Variants in IMMP1L observed in about 807,000 individuals in gnomAD.
IMMP1L encodes the protein inner mitochondrial membrane peptidase subunit 1.
In IMMP1L, 24 loss-of-function variants were observed where a neutral mutation model predicts 21.8. The observed-to-expected ratio is 1.10, with a 90% CI of 0.80 to 1.55. The LOEUF is 1.55. IMMP1L is among the 40% of genes most tolerant of loss of function. The probability of loss-of-function intolerance (pLI) is 0.00; values close to 1 mark genes in which losing one functional copy is unlikely to be tolerated. For missense variants in IMMP1L, 195 were observed against 200.7 expected, an observed-to-expected ratio of 0.97 and a Z score of 0.17; for synonymous variants, 46 against 62.8, an observed-to-expected ratio of 0.73 and a Z score of 1.26.
At chr11:31,504,620 T>C (rs991185907) in intron 1 of IMMP1L, among the ~76,000 whole-genome samples, 8 of 152,098 alleles carry the variant, frequency 5.3e-5, no homozygotes, top group African/African-American at 1.9e-4. Context: ...ATTGAAGAAA[T>C]GGCCACAAAT....
chr11:31,435,083 G>A (rs1236698865), intron 4 of IMMP1L, among the ~76,000 whole-genome samples: 1 of 152,112 alleles, frequency 6.6e-6, no homozygotes, highest in Non-Finnish European at 1.5e-5. Flanking sequence ...TTCCTAAAAT[G>A]TGTTTTTTCC....
At chr11:31,495,791 T>C (rs968884088) in intron 1 of IMMP1L, among the ~76,000 whole-genome samples, 1 of 152,088 alleles carries the variant, frequency 6.6e-6, no homozygotes, top group Non-Finnish European at 1.5e-5. Flanking sequence ...TTTCAACACA[T>C]GGTATTGAGA....
chr11:31,453,073 A>C, intron 4 of IMMP1L: 1 of 1,289,384 alleles, frequency 7.8e-7, no homozygotes, highest in Non-Finnish European at 1.0e-6. Context: ...CTTAATAGGA[A>C]CTGCTTAGTT....
chr11:31,471,983 T>G (rs1310241193), intron 1 of IMMP1L, among the ~76,000 whole-genome samples: 1 of 152,158 alleles, frequency 6.6e-6, no homozygotes, highest in East Asian at 1.9e-4. Flanking sequence ...CCTTTACTCA[T>G]AGCCCCTTTG....
chr11:31,459,130 A>G (rs1327334725), intron 3 of IMMP1L, among the ~76,000 whole-genome samples: 1 of 152,212 alleles, frequency 6.6e-6, no homozygotes, highest in Non-Finnish European at 1.5e-5. Context: ...TGTATCTACA[A>G]TTAAGTATAT....
chr11:31,433,620 G>C, intron 4 of IMMP1L, 50 bp from the exon 5 acceptor site: 1 of 1,145,724 alleles, frequency 8.7e-7, no homozygotes, highest in Non-Finnish European at 1.3e-6. Context: ...CCTAATTTGG[G>C]TACTATAATT....
chr11:31,459,057 A>G (rs992884228), intron 3 of IMMP1L, among the ~76,000 whole-genome samples: 1 of 152,232 alleles, frequency 6.6e-6, no homozygotes. Flanking sequence ...ATAATTTGAT[A>G]TAAGTTAAAA....
chr11:31,456,214 TAATC>T (rs763096727), intron 4 of IMMP1L, 42 bp downstream of exon 4: 1 of 1,386,196 alleles, frequency 7.2e-7, no homozygotes, highest in Non-Finnish European at 1.0e-6. Flanking sequence ...CAGTTAATGT[TAATC>T]AATTATGACA....
At chr11:31,505,964 TAGC>T (rs1342240005) in intron 1 of IMMP1L, among the ~76,000 whole-genome samples, 4 of 152,214 alleles carry the variant, frequency 2.6e-5, no homozygotes, top group Admixed American at 6.5e-5. Context: ...AGTAGACTAT[TAGC>T]AGTTAAGTTT....
chr11:31,508,212 T>C (rs1449199503), intron 1 of IMMP1L, among the ~76,000 whole-genome samples: 3 of 152,254 alleles, frequency 2.0e-5, no homozygotes, highest in African/African-American at 4.8e-5. Context: ...TGGACTGCTT[T>C]GTCACTTTTT....
intron 4 of IMMP1L, among the ~76,000 whole-genome samples, chr11:31,439,622 C>CA (rs941745120): frequency 7.2e-5 from 11 of 152,150 alleles, no homozygotes; most frequent in African/African-American, 2.7e-4. Flanking sequence ...ACTGGACACT[C>CA]ACTTGCTGAG....
intron 1 of IMMP1L, among the ~76,000 whole-genome samples, chr11:31,508,149 A>C (rs1955843554): frequency 6.6e-6 from 1 of 152,160 alleles, no homozygotes; most frequent in Non-Finnish European, 1.5e-5. Flanking sequence ...GAAGCCCAGA[A>C]CCTAAAACAA....
chr11:31,500,646 T>A (rs1955591349), intron 1 of IMMP1L, among the ~76,000 whole-genome samples: 1 of 149,524 alleles, frequency 6.7e-6, no homozygotes, highest in South Asian at 2.1e-4. Context: ...AGAGAGGGTG[T>A]TGAAAGGACT....
intron 1 of IMMP1L, among the ~76,000 whole-genome samples, chr11:31,480,190 T>C (rs962972174): frequency 5.3e-5 from 8 of 152,206 alleles, no homozygotes; most frequent in African/African-American, 7.2e-5. Context: ...TATGGTGTTA[T>C]TGTAATTGGT....
intron 4 of IMMP1L, chr11:31,453,128 G>T: frequency 7.8e-7 from 1 of 1,287,400 alleles, no homozygotes; most frequent in South Asian, 1.2e-5. Context: ...TATAAGCGTT[G>T]CTTGCCATGT....
At chr11:31,444,306 A>T (rs1564970426) in intron 4 of IMMP1L, among the ~76,000 whole-genome samples, 3 of 152,192 alleles carry the variant, frequency 2.0e-5, no homozygotes, top group Admixed American at 6.5e-5. Context: ...AATTATGTCT[A>T]TTGGGCTTTC....
intron 1 of IMMP1L, among the ~76,000 whole-genome samples, chr11:31,467,285 T>C (rs1365449646): frequency 1.3e-5 from 2 of 152,142 alleles, no homozygotes; most frequent in Non-Finnish European, 2.9e-5. Flanking sequence ...TAAAAAAATG[T>C]CATCCTAGCT....
At chr11:31,459,185 A>G (rs1954054874) in intron 3 of IMMP1L, among the ~76,000 whole-genome samples, 1 of 152,244 alleles carries the variant, frequency 6.6e-6, no homozygotes. Flanking sequence ...TTACCTAGGG[A>G]GCATGCCAAA....
chr11:31,433,464 A>T lies in IMMP1L; in HGVS notation c.428T>A (p.Phe143Tyr), dbSNP rs1952992880. 2.5e-5 allele frequency: 38 copies of T among 1,550,502 alleles called. No homozygotes were observed. The highest frequency in any genetic ancestry group is 3.3e-5 in the Non-Finnish European group (38 of 1,137,572). ...ATTTTAAGCAGAAAATGGTACCTTA[A>T]AGAAGATTCGTCCTCTTATTAGTCC... is the stretch of plus-strand genomic sequence containing the variant. ...PYGLIRGRIFFKIWPLSDFGF... is the reference protein window; with the variant it reads ...PYGLIRGRIFYKIWPLSDFGF... Residue 143 changes from phenylalanine (F) to tyrosine (Y), a missense_variant, in exon 5 of 6, where the codon TTT becomes TAT. Physicochemically the swap from Phe to Tyr is conservative, Grantham distance 22. Coordinates refer to ENST00000532287, the MANE Select transcript of IMMP1L (RefSeq NM_001304274.2).
Sources: gnomAD v4.1 joint callset for allele counts (sites outside exome capture counted in the v4.1 genomes callset) on GRCh38, gnomAD v4.1.1 for gene constraint, MANE v1.5 for transcripts, NCBI Gene and HGNC (gene_info 2026-07-23, HGNC 2026-07-21) for gene names.